Variants in BARX2 observed in about 807,000 individuals in gnomAD.
BARX2 encodes homeobox protein BarH-like 2.
BARX2 carries 11 observed loss-of-function variants against 25.5 expected under a neutral mutation model. The ratio of observed to expected loss-of-function variants is 0.43; its 90% CI spans 0.27 to 0.71. The LOEUF is 0.71. BARX2 is among the 30% of genes least tolerant of loss of function. The pLI is 0.19. For synonymous variants in BARX2, 137 were observed against 149.5 expected (o/e 0.92, Z 0.61); for missense variants, 360 against 359.9 (o/e 1.00, Z 0.00).
At chr11:129,442,644 A>AGTT in intron 2 of BARX2, 191 bp from the exon 3 acceptor site, 1 of 635,132 alleles carries the variant, frequency 1.6e-6, no homozygotes, top group Admixed American at 2.2e-5. Flanking sequence ...TCTGTTTCTC[A>AGTT]GCTTCCCAGA....
intron 1 of BARX2, among the ~76,000 whole-genome samples, chr11:129,421,916 C>T (rs1395529830): frequency 6.6e-6 from 1 of 152,006 alleles, no homozygotes; most frequent in Non-Finnish European, 1.5e-5. Flanking sequence ...TAAACTTTTA[C>T]CTGTTGCTTT....
At chr11:129,383,397 A>G (rs982603252) in intron 1 of BARX2, among the ~76,000 whole-genome samples, 2 of 152,188 alleles carry the variant, frequency 1.3e-5, no homozygotes, top group Non-Finnish European at 2.9e-5. Flanking sequence ...CGGTATAATT[A>G]TATTTGGGCT....
At chr11:129,385,845 C>A (rs1210066915) in intron 1 of BARX2, among the ~76,000 whole-genome samples, 1 of 152,212 alleles carries the variant, frequency 6.6e-6, no homozygotes, top group Non-Finnish European at 1.5e-5. Context: ...AGAGACCGCA[C>A]ATGTCCACAG....
intron 1 of BARX2, among the ~76,000 whole-genome samples, chr11:129,405,156 T>A (rs1444353787): frequency 2.0e-5 from 3 of 152,160 alleles, no homozygotes; most frequent in Non-Finnish European, 4.4e-5. Context: ...ACAGAAGCAT[T>A]TCTTTCCTCT....
intron 1 of BARX2, among the ~76,000 whole-genome samples, chr11:129,422,301 C>T (rs1451565360): frequency 6.6e-6 from 1 of 152,088 alleles, no homozygotes; most frequent in Admixed American, 6.6e-5. Context: ...AATTTTCTTC[C>T]TTTTCCTTTT....
At chr11:129,420,020 A>G (rs1052056670) in intron 1 of BARX2, among the ~76,000 whole-genome samples, 2 of 151,976 alleles carry the variant, frequency 1.3e-5, no homozygotes, top group African/African-American at 4.8e-5. Flanking sequence ...ACCTCAGGTG[A>G]TCCGCCTGCA....
intron 2 of BARX2, among the ~76,000 whole-genome samples, chr11:129,441,835 C>T (rs1316619634): frequency 2.0e-5 from 3 of 152,206 alleles, no homozygotes; most frequent in Non-Finnish European, 4.4e-5. Context: ...CTCCAAGCCT[C>T]AACTCTCTTA....
Position 129,451,510 on chromosome 11 carries a change from A to ACCACC in BARX2, c.*108_*109insCCACC. On this transcript the variant is annotated 3_prime_UTR_variant, in exon 4 of 4. Transcript: ENST00000281437. Reference sequence around the variant, plus strand: ...CAGCAGCCCAGTAAACTGCGGGCGAAGAGATCTACCCGTCTCCCTCCCTCC... The same window carrying ACCACC: ...CAGCAGCCCAGTAAACTGCGGGCGAACCACCGAGATCTACCCGTCTCCCTCCCTCC... 1 of 1,286,960 alleles carries ACCACC rather than the reference A, an allele frequency of 7.8e-7. No homozygotes were observed. Among genetic ancestry groups the ACCACC allele is most frequent in the East Asian group, 2.6e-5 (1 of 38,694 alleles). 79.7% of individuals were successfully genotyped at this position (1,286,960 alleles called of 1,614,324 possible).
At chr11:129,388,003 T>C (rs527984175) in intron 1 of BARX2, among the ~76,000 whole-genome samples, 1 of 152,144 alleles carries the variant, frequency 6.6e-6, no homozygotes, top group Non-Finnish European at 1.5e-5. Flanking sequence ...CTTGCATCTG[T>C]CTCTTTCAAT....
In BARX2 at chr11:129,395,337, C is replaced by T. The variant is rs547462845; in HGVS notation, c.187+19115C>T. Among the ~76,000 whole-genome samples the T allele has an allele frequency of 5.9e-5, 9 of 152,240 alleles. 2 individuals carry two copies. Among genetic ancestry groups the T allele is most frequent in the African/African-American group, 2.2e-4 (9 of 41,532 alleles). On this transcript the variant is annotated intron_variant, in intron 1 of 3. Coordinates refer to ENST00000281437, the MANE Select transcript of BARX2 (RefSeq NM_003658.5). ...TGCTGTCGCCAGTGATGTTCGAGGA[C>T]CAGCACTACCCTTGAAGGATCCTGC...
At chr11:129,404,026 C>A (rs60818464) in intron 1 of BARX2, among the ~76,000 whole-genome samples, 69 of 152,286 alleles carry the variant, frequency 4.5e-4, no homozygotes, top group African/African-American at 1.5e-3. Context: ...CACTGGAAAT[C>A]CACTCTAATG....
At chr11:129,399,381 C>T (rs1350401993) in intron 1 of BARX2, among the ~76,000 whole-genome samples, 2 of 152,132 alleles carry the variant, frequency 1.3e-5, no homozygotes, top group East Asian at 1.9e-4. Context: ...CTCTCTCTAC[C>T]TCTCTGTCTC....
intron 2 of BARX2, among the ~76,000 whole-genome samples, chr11:129,440,080 C>T (rs190931949): frequency 1.3e-5 from 2 of 152,328 alleles, no homozygotes; most frequent in East Asian, 3.9e-4. Context: ...TGTTCCTCGC[C>T]TCCCTACGTG....
At chr11:129,409,518 C>T (rs563439887) in intron 1 of BARX2, among the ~76,000 whole-genome samples, 10 of 151,770 alleles carry the variant, frequency 6.6e-5, no homozygotes, top group South Asian at 2.1e-4. Flanking sequence ...TTTTAGATGA[C>T]GTGGTGAAAA....
intron 1 of BARX2, among the ~76,000 whole-genome samples, chr11:129,400,741 TGGGAGGCTTC>T (rs1861766885): frequency 6.6e-6 from 1 of 152,178 alleles, no homozygotes; most frequent in Admixed American, 6.5e-5. Flanking sequence ...GAGAGCCTGT[TGGGAGGCTTC>T]TGCCATCATC....
intron 1 of BARX2, among the ~76,000 whole-genome samples, chr11:129,381,207 A>G (rs1480677457): frequency 6.6e-6 from 1 of 152,196 alleles, no homozygotes; most frequent in African/African-American, 2.4e-5. Context: ...TCCACTGTTC[A>G]CTATCATTTA....
intron 1 of BARX2, among the ~76,000 whole-genome samples, chr11:129,383,915 T>C (rs1861593753): frequency 6.6e-6 from 1 of 152,172 alleles, no homozygotes; most frequent in African/African-American, 2.4e-5. Context: ...GCTCTGTCAC[T>C]GAGGCTGGAG....
intron 3 of BARX2, among the ~76,000 whole-genome samples, chr11:129,447,185 G>T (rs913567023): frequency 1.3e-5 from 2 of 152,078 alleles, no homozygotes; most frequent in Non-Finnish European, 2.9e-5. Flanking sequence ...AAAAGTAGAG[G>T]GAAGGAGAGA....
intron 3 of BARX2, among the ~76,000 whole-genome samples, chr11:129,446,533 G>A (rs1862331597): frequency 6.6e-6 from 1 of 152,144 alleles, no homozygotes; most frequent in Non-Finnish European, 1.5e-5. Flanking sequence ...ATACAGCCAA[G>A]AGATGTTATT....
Sources: gnomAD v4.1 joint callset for allele counts (sites outside exome capture counted in the v4.1 genomes callset) on GRCh38, gnomAD v4.1.1 for gene constraint, MANE v1.5 for transcripts, NCBI Gene and HGNC (gene_info 2026-07-23, HGNC 2026-07-21) for gene names.